EXT1: variants seen among roughly 807,000 people sequenced by gnomAD.
EXT1 encodes exostosin-1.
In EXT1, 20 loss-of-function variants were observed where a neutral mutation model predicts 82.5. The observed-to-expected ratio is 0.24, with a 90% CI of 0.17 to 0.35. The LOEUF (loss-of-function observed/expected upper bound fraction) is 0.35, where lower values mean the gene tolerates loss of function less well. Among genes scored for constraint, EXT1 ranks in the 10% least tolerant of loss-of-function variants. EXT1 has a pLI of 1.00. For missense variants in EXT1, 757 were observed against 936.5 expected, an observed-to-expected ratio of 0.81 and a Z score of 2.50; for synonymous variants, 348 against 350.8, an observed-to-expected ratio of 0.99 and a Z score of 0.09.
chr8:118,047,244 TA>T (rs1167424460), intron 1 of EXT1, among the ~76,000 whole-genome samples: 1 of 152,164 alleles, frequency 6.6e-6, no homozygotes, highest in Non-Finnish European at 1.5e-5. Context: ...CTGACTCCAC[TA>T]ATTACTAATA....
intron 1 of EXT1, among the ~76,000 whole-genome samples, chr8:117,940,170 T>C (rs539995946): frequency 6.6e-6 from 1 of 152,344 alleles, no homozygotes; most frequent in East Asian, 1.9e-4. Flanking sequence ...GAAGTAATAC[T>C]TGTTTCAAGC....
chr8:118,101,352 TCA>T (rs1220116303), intron 1 of EXT1, among the ~76,000 whole-genome samples: 2 of 152,196 alleles, frequency 1.3e-5, no homozygotes, highest in African/African-American at 4.8e-5. Context: ...CTGTGTATCC[TCA>T]CAAATTTCTC....
chr8:117,799,705 G>T lies in EXT1; in HGVS notation c.*7C>A, dbSNP rs367817136. 1 of 1,613,706 alleles carries T rather than the reference G, an allele frequency of 6.2e-7. No homozygotes were observed. Among genetic ancestry groups the T allele is most frequent in the Non-Finnish European group, 8.5e-7 (1 of 1,179,964 alleles). On this transcript the variant is annotated 3_prime_UTR_variant, in exon 11 of 11. Coordinates refer to ENST00000378204, the MANE Select transcript of EXT1 (RefSeq NM_000127.3). The stretch of plus-strand genomic sequence containing the variant: ...CTTGCTTCCCCTCCCCCACTCAGCC[G>T]GATTCCTCAAAGTCGCTCAATGTCT...
chr8:118,032,712 G>A (rs2514714), intron 1 of EXT1, among the ~76,000 whole-genome samples: 146,063 of 151,934 alleles, frequency 0.96, 70,261 homozygotes, highest in East Asian at 1. Flanking sequence ...GTTTCTCCAC[G>A]TTGGTCAGGC....
chr8:118,043,280 A>G (rs1180121610), intron 1 of EXT1, among the ~76,000 whole-genome samples: 3 of 152,224 alleles, frequency 2.0e-5, no homozygotes, highest in Non-Finnish European at 4.4e-5. Context: ...CCTGTATGCC[A>G]CTGCCTTGGC....
intron 1 of EXT1, among the ~76,000 whole-genome samples, chr8:117,993,197 G>A (rs1269818438): frequency 6.6e-6 from 1 of 152,074 alleles, no homozygotes; most frequent in Non-Finnish European, 1.5e-5. Flanking sequence ...AGGGAGCTGT[G>A]ATCTGCTCTA....
At position 117,802,176 on chromosome 8, in the gene EXT1, G is replaced by C. The variant is rs1036459258; in HGVS notation, c.2056-2279C>G. ...CCTAAGGTTAAATTTAGATTTTTTTGTTAAAGATGTATGAATTACTAGAAA... is the reference window on the plus strand; with the variant it reads ...CCTAAGGTTAAATTTAGATTTTTTTCTTAAAGATGTATGAATTACTAGAAA... On this transcript the variant is annotated intron_variant, in intron 10 of 10. Transcript: ENST00000378204. 1.1e-3 allele frequency among the ~76,000 whole-genome samples: 163 copies of C among 152,190 alleles called. 1 individual carries two copies. The highest frequency in any genetic ancestry group is 3.4e-3 in the African/African-American group (143 of 41,544).
At chr8:117,960,194 G>C (rs968886680) in intron 1 of EXT1, among the ~76,000 whole-genome samples, 1 of 152,138 alleles carries the variant, frequency 6.6e-6, no homozygotes, top group Non-Finnish European at 1.5e-5. Context: ...CTGGGTGACA[G>C]AGCGAGACTC....
intron 1 of EXT1, among the ~76,000 whole-genome samples, chr8:117,884,879 T>C: frequency 6.6e-6 from 1 of 152,208 alleles, no homozygotes; most frequent in Non-Finnish European, 1.5e-5. Context: ...CTGGCTCAAT[T>C]TCCCTTGATT....
intron 1 of EXT1, among the ~76,000 whole-genome samples, chr8:117,960,900 G>T (rs1718522533): frequency 6.6e-6 from 1 of 152,076 alleles, no homozygotes; most frequent in African/African-American, 2.4e-5. Context: ...GGAAAAACAC[G>T]ACAGCAATGA....
intron 1 of EXT1, among the ~76,000 whole-genome samples, chr8:117,887,229 C>T (rs1359125525): frequency 6.6e-6 from 1 of 152,162 alleles, no homozygotes; most frequent in African/African-American, 2.4e-5. Flanking sequence ...GTAGGTCTTT[C>T]AGAATAGTAT....
intron 1 of EXT1, among the ~76,000 whole-genome samples, chr8:117,910,206 T>A (rs1229089670): frequency 2.1e-4 from 32 of 152,148 alleles, no homozygotes; most frequent in Admixed American, 2.1e-3. Flanking sequence ...AGACTAGTCA[T>A]CATTTTCACA....
At chr8:117,876,535 A>G (rs1812972364) in intron 1 of EXT1, among the ~76,000 whole-genome samples, 1 of 152,220 alleles carries the variant, frequency 6.6e-6, no homozygotes, top group African/African-American at 2.4e-5. Context: ...CTTGTTGATA[A>G]AATAGAATTT....
In EXT1 at chr8:117,971,480, A is replaced by G. The variant is rs182569207; in HGVS notation, c.963-134279T>C. On this transcript the variant is annotated intron_variant, in intron 1 of 10. Coordinates refer to ENST00000378204, the MANE Select transcript of EXT1 (RefSeq NM_000127.3). ...GGGGACTACAGAAACTTACAGGAAG[A>G]AAAAAAAGCAACTTTGAAGATAAAT... Among the ~76,000 whole-genome samples the G allele has an allele frequency of 7.2e-4, 109 of 152,214 alleles. 1 individual carries two copies. Among genetic ancestry groups the G allele is most frequent in the African/African-American group, 2.4e-3 (98 of 41,540 alleles).
intron 3 of EXT1, among the ~76,000 whole-genome samples, chr8:117,831,006 A>T (rs974959053): frequency 6.6e-6 from 1 of 152,222 alleles, no homozygotes; most frequent in Non-Finnish European, 1.5e-5. Context: ...TAAAGGAAGG[A>T]CCTATATCTT....
At chr8:117,969,276 T>C (rs1814891691) in intron 1 of EXT1, among the ~76,000 whole-genome samples, 1 of 152,198 alleles carries the variant, frequency 6.6e-6, no homozygotes, top group Non-Finnish European at 1.5e-5. Flanking sequence ...TTGAAAATAA[T>C]AAACAAGTAG....
chr8:117,879,938 T>C (rs1368789646), intron 1 of EXT1, among the ~76,000 whole-genome samples: 1 of 152,254 alleles, frequency 6.6e-6, no homozygotes, highest in African/African-American at 2.4e-5. Flanking sequence ...TAAACATTTA[T>C]GTTAATTTAT....
At chr8:118,029,745 C>T (rs1438039373) in intron 1 of EXT1, among the ~76,000 whole-genome samples, 1 of 152,200 alleles carries the variant, frequency 6.6e-6, no homozygotes, top group African/African-American at 2.4e-5. Context: ...AGTCTTGCCA[C>T]CCATCCACTT....
At chr8:117,968,905 TA>T (rs1308147633) in intron 1 of EXT1, among the ~76,000 whole-genome samples, 9 of 152,216 alleles carry the variant, frequency 5.9e-5, no homozygotes, top group Non-Finnish European at 1.3e-4. Context: ...TATTTGACTG[TA>T]AACTACCTAT....
Sources: gnomAD v4.1 joint callset for allele counts (sites outside exome capture counted in the v4.1 genomes callset) on GRCh38, gnomAD v4.1.1 for gene constraint, MANE v1.5 for transcripts, NCBI Gene and HGNC (gene_info 2026-07-23, HGNC 2026-07-21) for gene names.